Variants in MEP1A observed in about 807,000 individuals in gnomAD.
The protein encoded by MEP1A is N-benzoyl-L-tyrosyl-P-amino-benzoic acid hydrolase subunit alpha.
A neutral mutation model predicts 84.5 loss-of-function variants in MEP1A; 68 were observed. That is an observed-to-expected ratio of 0.80 (90% confidence interval 0.66 to 0.98). The LOEUF (loss-of-function observed/expected upper bound fraction) is 0.98. MEP1A is among the 50% of genes least tolerant of loss of function. The pLI is 0.00. For synonymous variants in MEP1A, 337 were observed against 336.8 expected (o/e 1.00, Z -0.01); for missense variants, 887 against 919.9 (o/e 0.96, Z 0.46).
intron 7 of MEP1A, among the ~76,000 whole-genome samples, chr6:46,821,602 A>G (rs78688963): frequency 2.0e-5 from 3 of 152,208 alleles, no homozygotes; most frequent in African/African-American, 7.2e-5. Flanking sequence ...CTTCCTGTAC[A>G]TATACTGGGC....
At chr6:46,834,111 T>G (rs1768144339) in intron 11 of MEP1A, among the ~76,000 whole-genome samples, 1 of 151,932 alleles carries the variant, frequency 6.6e-6, no homozygotes, top group Admixed American at 6.6e-5. Flanking sequence ...CGAGTAGAGA[T>G]GGGGTTTCAC....
chr6:46,813,085 T>C (rs1400494381), intron 6 of MEP1A, among the ~76,000 whole-genome samples: 3 of 152,070 alleles, frequency 2.0e-5, no homozygotes, highest in Non-Finnish European at 4.4e-5. Flanking sequence ...CCACTGTTAT[T>C]GTGTTGCCAT....
At chr6:46,808,849 G>A (rs911753746) in intron 5 of MEP1A, among the ~76,000 whole-genome samples, 4 of 152,028 alleles carry the variant, frequency 2.6e-5, no homozygotes, top group Non-Finnish European at 5.9e-5. Flanking sequence ...ATCTGGCTGG[G>A]AAGCAGGGTA....
chr6:46,830,247 T>TAAA lies in MEP1A; in HGVS notation c.1144+708_1144+710dup, dbSNP rs56033423. 2.0e-3 allele frequency among the ~76,000 whole-genome samples: 102 copies of TAAA among 50,100 alleles called. 3 individuals are homozygous for TAAA. Among genetic ancestry groups the TAAA allele is most frequent in the African/African-American group, 8.0e-3 (97 of 12,154 alleles). 32.9% of individuals were successfully genotyped at this position (50,100 alleles called of 152,430 possible). A position where few individuals can be genotyped will look rare whatever the true frequency, so the allele number is the denominator to read the frequency against. On this transcript the variant is annotated intron_variant, in intron 10 of 13. Coordinates refer to ENST00000230588, the MANE Select transcript of MEP1A (RefSeq NM_005588.3). ...GCTGGTGACAGAGCAAGACTCCATC[T>TAAA]AAAAAAAAAAAAAAAAAAAAAAAAA...
At chr6:46,795,106 T>C (rs1400951843) in intron 3 of MEP1A, among the ~76,000 whole-genome samples, 1 of 152,114 alleles carries the variant, frequency 6.6e-6, no homozygotes, top group Non-Finnish European at 1.5e-5. Flanking sequence ...CAAGGCTGAG[T>C]AAACGTTTCT....
chr6:46,793,643 A>G (rs752368217), intron 2 of MEP1A, 23 bp from the exon 3 acceptor site: 7 of 1,592,446 alleles, frequency 4.4e-6, no homozygotes, highest in Non-Finnish European at 5.1e-6. Context: ...ACTAATAATA[A>G]TTTTTTTTCT....
At chr6:46,824,876 A>G (rs1238813075) in intron 7 of MEP1A, among the ~76,000 whole-genome samples, 1 of 112,304 alleles carries the variant, frequency 8.9e-6, no homozygotes, top group Non-Finnish European at 1.6e-5. Context: ...AAATAGATCT[A>G]TTTAAATATA....
At chr6:46,801,032 C>T (rs1353886867) in intron 5 of MEP1A, among the ~76,000 whole-genome samples, 1 of 152,060 alleles carries the variant, frequency 6.6e-6, no homozygotes, top group Non-Finnish European at 1.5e-5. Context: ...CTTTGTAATA[C>T]TATACTGTAA....
chr6:46,804,027 T>G (rs950586706), intron 5 of MEP1A, among the ~76,000 whole-genome samples: 1 of 151,700 alleles, frequency 6.6e-6, no homozygotes, highest in African/African-American at 2.4e-5. Flanking sequence ...TGTTAGAATT[T>G]TTTATTTAAA....
intron 3 of MEP1A, among the ~76,000 whole-genome samples, chr6:46,797,137 A>G (rs1039212067): frequency 1.3e-5 from 2 of 152,210 alleles, no homozygotes; most frequent in Non-Finnish European, 2.9e-5. Context: ...TGTCCTATGC[A>G]TAAACGGAGC....
At chr6:46,810,542 A>G (rs574669328) in intron 6 of MEP1A, among the ~76,000 whole-genome samples, 15 of 152,240 alleles carry the variant, frequency 9.9e-5, no homozygotes, top group Non-Finnish European at 2.2e-4. Flanking sequence ...GTCTTTGCCT[A>G]CGCCAATGTC....
At chr6:46,825,569 C>A in intron 8 of MEP1A, 76 bp downstream of exon 8, 2 of 1,036,174 alleles carry the variant, frequency 1.9e-6, no homozygotes, top group Non-Finnish European at 2.8e-6. Flanking sequence ...ATTTCCTTTA[C>A]ATTTTCCTTT....
At chr6:46,830,034 G>A (rs1489087009) in intron 10 of MEP1A, among the ~76,000 whole-genome samples, 2 of 152,070 alleles carry the variant, frequency 1.3e-5, no homozygotes, top group African/African-American at 4.8e-5. Flanking sequence ...TGGATCACAA[G>A]GTCAGGAGAT....
At chr6:46,837,401 G>A (rs553860042) in intron 13 of MEP1A, among the ~76,000 whole-genome samples, 2 of 152,294 alleles carry the variant, frequency 1.3e-5, no homozygotes, top group South Asian at 4.1e-4. Context: ...TGAACACAAT[G>A]TTACTTTCTG....
chr6:46,842,340 G>A (rs553565701), downstream of MEP1A, among the ~76,000 whole-genome samples: 156 of 152,294 alleles, frequency 1.0e-3, 1 homozygote, highest in African/African-American at 3.4e-3. Context: ...TGCAGAGAGC[G>A]TATAAATGGA....
downstream of MEP1A, among the ~76,000 whole-genome samples, chr6:46,844,007 C>CT (rs1429179702): frequency 6.6e-6 from 1 of 152,128 alleles, no homozygotes; most frequent in Non-Finnish European, 1.5e-5. Flanking sequence ...ATGTAAAGTT[C>CT]TTTTTTACTT....
intron 5 of MEP1A, among the ~76,000 whole-genome samples, chr6:46,804,888 AG>A (rs143115671): frequency 0.044 from 6,742 of 151,848 alleles, 153 homozygotes; most frequent in African/African-American, 0.069. Flanking sequence ...TTTTCTTCAT[AG>A]GTGAATTTAA....
At chr6:46,820,679 C>G (rs1466279331) in intron 7 of MEP1A, among the ~76,000 whole-genome samples, 4 of 152,130 alleles carry the variant, frequency 2.6e-5, no homozygotes, top group African/African-American at 9.7e-5. Context: ...TGAGCCACCA[C>G]CGTGTCCGGC....
chr6:46,793,902 C>T (rs546167348), intron 3 of MEP1A, among the ~76,000 whole-genome samples, 186 bp downstream of exon 3: 1 of 152,270 alleles, frequency 6.6e-6, no homozygotes, highest in Non-Finnish European at 1.5e-5. Context: ...TTAGACCAGA[C>T]TTTCTAGGAG....
Sources: allele counts gnomAD v4.1 joint callset (sites outside exome capture counted in the v4.1 genomes callset), GRCh38; gene constraint gnomAD v4.1.1; transcripts MANE v1.5; gene names NCBI Gene and HGNC (gene_info 2026-07-23, HGNC 2026-07-21).